Variants in EIF4A2 observed in about 807,000 individuals in gnomAD.
EIF4A2 encodes the protein eukaryotic initiation factor 4A-II.
A neutral mutation model predicts 50.6 loss-of-function variants in EIF4A2; 9 were observed. That is an observed-to-expected ratio of 0.18 (90% CI 0.11 to 0.31). The LOEUF (loss-of-function observed/expected upper bound fraction) is 0.31, where lower values mean the gene tolerates loss of function less well. Ranked by LOEUF, EIF4A2 falls within the 10% of genes least tolerant of loss-of-function variation. The pLI is 1.00. For missense variants in EIF4A2, 182 were observed against 501.8 expected (o/e 0.36, Z 6.09); for synonymous variants, 215 against 164.4 (o/e 1.31, Z -2.35).
At chr3:186,786,911 ATGAGACTGGC>A in intron 7 of EIF4A2, 1 of 889,542 alleles carries the variant, frequency 1.1e-6, no homozygotes, top group Admixed American at 1.9e-5. Context: ...AGACTGGGTT[ATGAGACTGGC>A]TAAGACTGGC....
At chr3:186,786,940 G>A (rs772078879) in intron 7 of EIF4A2, 187 bp from the exon 8 acceptor site, 73 of 959,204 alleles carry the variant, frequency 7.6e-5, no homozygotes, top group African/African-American at 6.9e-5. Flanking sequence ...GCCAATTTTG[G>A]TATTTTGGGT....
chr3:186,789,883 T>C lies in EIF4A2; in HGVS notation c.*614T>C, dbSNP rs1579172282. 1 of 825,712 alleles carries C rather than the reference T, an allele frequency of 1.2e-6. No homozygotes were observed. Among genetic ancestry groups the C allele is most frequent in the Non-Finnish European group, 1.9e-6 (1 of 515,582 alleles). The allele number at this position is 825,712 out of a possible 1,614,324, so 51.1% of individuals were successfully genotyped here. On this transcript the variant is annotated 3_prime_UTR_variant, in exon 11 of 11. Transcript: ENST00000323963. ...TGAAGTTTGAATGTTAAATAAATTG[T>C]ATATTCACTTTAAAGGTGCTTTTGG... is the stretch of plus-strand genomic sequence containing the variant.
At position 186,787,589 on chromosome 3, in the gene EIF4A2, GTC is replaced by G. The variant is rs1297732441; in HGVS notation, c.999+9_999+10del. 6.2e-7 allele frequency: 1 copy of G among 1,614,024 alleles called. No individual in the cohort carries two copies. The highest frequency in any genetic ancestry group is 8.5e-7 in the Non-Finnish European group (1 of 1,179,936). ...CTGATCACTACTGACTTGTTGGTAA[GTC>G]TCTTAATGCTTTTTAAAAATCTACC... is the stretch of plus-strand genomic sequence containing the variant. On this transcript the variant is annotated splice_donor_region_variant and intron_variant, in intron 9 of 10. Transcript: ENST00000323963.
At chr3:186,784,808 G>A in intron 3 of EIF4A2, 112 bp downstream of exon 3, 1 of 1,598,972 alleles carries the variant, frequency 6.3e-7, no homozygotes, top group Non-Finnish European at 8.5e-7. Context: ...GTGAAATGAT[G>A]GCAATCATCT....
chr3:186,787,634 G>A (rs1234176982), intron 9 of EIF4A2, 50 bp downstream of exon 9: 4 of 1,610,664 alleles, frequency 2.5e-6, no homozygotes, highest in South Asian at 1.1e-5. Flanking sequence ...AGCTTTTTGG[G>A]GGGCAGGTTT....
chr3:186,788,887 C>A, intron 10 of EIF4A2: 1 of 485,980 alleles, frequency 2.1e-6, no homozygotes, highest in Non-Finnish European at 3.6e-6. Flanking sequence ...TATAATAATG[C>A]TCAAGATGCC....
Position 186,788,212 on chromosome 3 carries a change from T to G in EIF4A2, c.1079+330T>G, listed in dbSNP as rs1310670908. On this transcript the variant is annotated intron_variant, in intron 10 of 10. Transcript: ENST00000323963. ...TTTCTTGGTGTCGCCTGGTAGCAAT[T>G]TGAGTGAACCCTGGTTTAGTTATAG... 5 of 1,083,494 alleles carry G rather than the reference T, an allele frequency of 4.6e-6. No homozygotes were observed. The East Asian group carries it at 2.3e-4, about 51-fold the overall frequency. The allele number at this position is 1,083,494 out of a possible 1,614,324, so 67.1% of individuals were successfully genotyped here.
At chr3:186,784,009 T>G (rs918159258) in intron 1 of EIF4A2, 2 of 424,716 alleles carry the variant, frequency 4.7e-6, no homozygotes, top group South Asian at 2.8e-5. Context: ...TGGGGGAGGG[T>G]CCTAGGCTTT....
Position 186,789,675 on chromosome 3 carries a change from G to A in EIF4A2, c.*406G>A. Reference sequence around the variant, plus strand: ...CCTTTATTGTGTTTGTCATTAGCCTGAGTAGAAAGGCCTTTAAAATTTTTT... The same window carrying A: ...CCTTTATTGTGTTTGTCATTAGCCTAAGTAGAAAGGCCTTTAAAATTTTTT... On this transcript the variant is annotated 3_prime_UTR_variant, in exon 11 of 11. Transcript: ENST00000323963. 2.7e-6 allele frequency: 1 copy of A among 367,776 alleles called. No individual in the cohort carries two copies. The highest frequency in any genetic ancestry group is 4.9e-6 in the Non-Finnish European group (1 of 203,042). 22.8% of individuals were successfully genotyped at this position (367,776 alleles called of 1,614,324 possible).
rs1415508924 is a variant in EIF4A2 at position 186,785,870 on chromosome 3, G to A, written c.349-13G>A. ...GGAGTTCTGCGGAATAATAATTAAGGCTTGGGTTTTAGATCCAAAAGGTAA... is the reference window on the plus strand; with the variant it reads ...GGAGTTCTGCGGAATAATAATTAAGACTTGGGTTTTAGATCCAAAAGGTAA... On this transcript the variant is annotated splice_polypyrimidine_tract_variant and intron_variant, in intron 4 of 10. Coordinates refer to ENST00000323963, the MANE Select transcript of EIF4A2 (RefSeq NM_001967.4). 1 of 1,584,618 alleles carries A rather than the reference G, an allele frequency of 6.3e-7. No homozygotes were observed. Among genetic ancestry groups the A allele is most frequent in the Non-Finnish European group, 8.6e-7 (1 of 1,157,958 alleles).
intron 4 of EIF4A2, chr3:186,785,315 A>AGC (rs929534293): frequency 1.6e-6 from 1 of 644,624 alleles, no homozygotes; most frequent in Non-Finnish European, 2.6e-6. Context: ...GAGAATCCGA[A>AGC]GCGCTCTCTT....
At chr3:186,788,576 A>G (rs1721918106) in intron 10 of EIF4A2, 1 of 474,052 alleles carries the variant, frequency 2.1e-6, no homozygotes, top group African/African-American at 2.0e-5. Context: ...TTTGGCAGTT[A>G]AACACGTTTA....
At chr3:186,784,037 A>G in intron 1 of EIF4A2, 1 of 420,620 alleles carries the variant, frequency 2.4e-6, no homozygotes, top group South Asian at 2.8e-5. Flanking sequence ...GAAGGGTTGG[A>G]GGCAGCGGTC....
At position 186,789,836 on chromosome 3, in the gene EIF4A2, T is replaced by A; in HGVS notation, c.*567T>A. ...GGTAGGGTTTAATCCCCAGTAAAAT[T>A]GCCATATTGCACATGTCTTAATGAA... On this transcript the variant is annotated 3_prime_UTR_variant, in exon 11 of 11. Transcript: ENST00000323963. The A allele has an allele frequency of 1.5e-6, 1 of 659,710 alleles. No homozygotes were observed. The highest frequency in any genetic ancestry group is 2.7e-5 in the East Asian group (1 of 36,446). 40.9% of individuals were successfully genotyped at this position (659,710 alleles called of 1,614,324 possible).
chr3:186,785,504 G>A (rs1361638991), intron 4 of EIF4A2: 1 of 298,124 alleles, frequency 3.4e-6, no homozygotes, highest in Non-Finnish European at 6.3e-6. Flanking sequence ...AAAGCTGTAG[G>A]CTTTATTGAG....
intron 7 of EIF4A2, chr3:186,786,857 A>G: frequency 3.4e-6 from 3 of 880,920 alleles, no homozygotes; most frequent in Non-Finnish European, 5.8e-6. Flanking sequence ...ATATCTCATT[A>G]GACCTAACAG....
intron 9 of EIF4A2, 44 bp from the exon 10 acceptor site, chr3:186,787,759 A>G: frequency 1.9e-6 from 3 of 1,613,382 alleles, no homozygotes; most frequent in Non-Finnish European, 2.5e-6. Context: ...GACAGGTGTC[A>G]AGTTTTTTTG....
intron 10 of EIF4A2, chr3:186,788,305 T>TAC: frequency 9.3e-6 from 12 of 1,291,156 alleles, no homozygotes; most frequent in Non-Finnish European, 1.2e-5. Context: ...TTTTAAAAAA[T>TAC]ACAGGAGTCG....
At position 186,787,846 on chromosome 3, in the gene EIF4A2, A is replaced by G; in HGVS notation, c.1043A>G (p.Tyr348Cys). Residue 348 changes from tyrosine (Y) to cysteine (C), a missense_variant, in exon 10 of 11, where the codon TAT (tyrosine) becomes TGT (cysteine). Transcript: ENST00000323963. ...DVQQVSLVIN[Y>C]DLPTNRENYI... ...CAACAAGTGTCTTTGGTTATAAATTATGATCTACCTACCAATCGTGAAAAC... is the reference window on the plus strand; with the variant it reads ...CAACAAGTGTCTTTGGTTATAAATTGTGATCTACCTACCAATCGTGAAAAC... 6.2e-7 allele frequency: 1 copy of G among 1,613,934 alleles called. No homozygotes were observed. The highest frequency in any genetic ancestry group is 8.5e-7 in the Non-Finnish European group (1 of 1,179,958).
Sources: gnomAD v4.1 joint callset for allele counts on GRCh38, gnomAD v4.1.1 for gene constraint, MANE v1.5 for transcripts, NCBI Gene and HGNC (gene_info 2026-07-23, HGNC 2026-07-21) for gene names.